The following STAG1 variants were observed in gnomAD, a reference collection of about 807,000 sequenced individuals.
The protein encoded by STAG1 is cohesin subunit SA-1.
In STAG1, 26 loss-of-function variants were observed where a neutral mutation model predicts 170.9. The ratio of observed to expected loss-of-function variants is 0.15; its 90% confidence interval spans 0.11 to 0.21. STAG1 has a LOEUF of 0.21. STAG1 is among the 10% of genes least tolerant of loss of function. The probability of loss-of-function intolerance (pLI) is 1.00; values close to 1 mark genes in which losing one functional copy is unlikely to be tolerated. For synonymous variants in STAG1, 514 were observed against 497.7 expected, an observed-to-expected ratio of 1.03 and a Z score of -0.44; for missense variants, 964 against 1,509.5, an observed-to-expected ratio of 0.64 and a Z score of 5.99.
At chr3:136,666,113 A>G (rs1384223831) in intron 1 of STAG1, among the ~76,000 whole-genome samples, 1 of 130,712 alleles carries the variant, frequency 7.7e-6, no homozygotes, top group Non-Finnish European at 1.6e-5. Flanking sequence ...AAAAAAAAAG[A>G]AAGAAATGCA....
At chr3:136,747,373 A>G (rs1217019485) in intron 1 of STAG1, among the ~76,000 whole-genome samples, 2 of 152,096 alleles carry the variant, frequency 1.3e-5, no homozygotes, top group Admixed American at 1.3e-4. Flanking sequence ...ACTTAAGAGG[A>G]GTGTGATCCA....
At chr3:136,702,123 CAG>C (rs1408345782) in intron 1 of STAG1, among the ~76,000 whole-genome samples, 17 of 55,672 alleles carry the variant, frequency 3.1e-4, no homozygotes, top group African/African-American at 9.1e-4. Flanking sequence ...GAGAGAGAGA[CAG>C]AGAGACAGAG....
chr3:136,717,447 T>C (rs1943571135), intron 1 of STAG1, among the ~76,000 whole-genome samples: 1 of 152,132 alleles, frequency 6.6e-6, no homozygotes. Flanking sequence ...GTGGATCACT[T>C]GAGACCAGGA....
intron 13 of STAG1, among the ~76,000 whole-genome samples, chr3:136,462,002 T>G (rs896144588): frequency 6.6e-6 from 1 of 152,090 alleles, no homozygotes; most frequent in African/African-American, 2.4e-5. Context: ...TGAGATATCA[T>G]CTTACCTCAT....
chr3:136,348,571 A>C (rs1038293111), intron 29 of STAG1, among the ~76,000 whole-genome samples: 4 of 151,880 alleles, frequency 2.6e-5, no homozygotes, highest in Admixed American at 2.6e-4. Context: ...ACCCATTTAA[A>C]ATTTTTTTTT....
chr3:136,605,556 C>T (rs1285481243), intron 3 of STAG1, among the ~76,000 whole-genome samples: 3 of 152,144 alleles, frequency 2.0e-5, no homozygotes, highest in African/African-American at 7.2e-5. Flanking sequence ...TATCTTTCCC[C>T]TCCCTGTATT....
intron 25 of STAG1, among the ~76,000 whole-genome samples, chr3:136,364,883 G>A (rs1465396947): frequency 2.6e-5 from 4 of 152,052 alleles, no homozygotes; most frequent in East Asian, 1.9e-4. Flanking sequence ...GCTAAAAGGC[G>A]AACAGCTCAA....
In STAG1 at chr3:136,712,017, T is replaced by G. The variant is rs531630343; in HGVS notation, c.-84+40178A>C. Among the ~76,000 whole-genome samples, 7 of 152,210 alleles carry G rather than the reference T, an allele frequency of 4.6e-5. No homozygotes were observed. The East Asian group carries it at 1.4e-3, about 29-fold the overall frequency. ...GACGTATGTACCTATTCAGATAACT[T>G]TTTTTGTTTGTTTGTTTTTGAGATG... On this transcript the variant is annotated intron_variant, in intron 1 of 33. Transcript: ENST00000383202.
intron 28 of STAG1, among the ~76,000 whole-genome samples, chr3:136,354,754 C>CAAAAA: frequency 6.1e-4 from 4 of 6,516 alleles, no homozygotes; most frequent in African/African-American, 1.4e-3. Context: ...GAGAAAGAAC[C>CAAAAA]AAAAAAAAAA....
At chr3:136,687,612 G>A (rs1216517571) in intron 1 of STAG1, among the ~76,000 whole-genome samples, 2 of 152,088 alleles carry the variant, frequency 1.3e-5, no homozygotes, top group Non-Finnish European at 2.9e-5. Flanking sequence ...TTTGGATCAT[G>A]GATAGATGAG....
Position 136,749,910 on chromosome 3 carries a change from A to T in STAG1, c.-84+2285T>A, listed in dbSNP as rs77497736. Among the ~76,000 whole-genome samples the T allele has an allele frequency of 6.0e-5, 7 of 117,524 alleles. No individual in the cohort carries two copies. In the South Asian group the frequency reaches 2.0e-3, roughly 34 times the overall value. 77.1% of individuals were successfully genotyped at this position (117,524 alleles called of 152,430 possible). On this transcript the variant is annotated intron_variant, in intron 1 of 33. Transcript: ENST00000383202. The stretch of plus-strand genomic sequence containing the variant: ...TTAAGTGTGAAATTTGTTATGCATT[A>T]AAAAAAAAAAGAAAGAAACTAATAT...
intron 21 of STAG1, among the ~76,000 whole-genome samples, chr3:136,416,283 G>C (rs2087770380): frequency 6.6e-6 from 1 of 152,210 alleles, no homozygotes; most frequent in Admixed American, 6.5e-5. Context: ...TGGGATTACA[G>C]GTGTGAGCCA....
At chr3:136,385,072 T>C (rs1223771238) in intron 22 of STAG1, among the ~76,000 whole-genome samples, 1 of 152,196 alleles carries the variant, frequency 6.6e-6, no homozygotes, top group Non-Finnish European at 1.5e-5. Context: ...AATGTCCTTA[T>C]ATTGATGCTT....
chr3:136,592,207 C>T (rs1218129622), intron 4 of STAG1, among the ~76,000 whole-genome samples: 1 of 152,128 alleles, frequency 6.6e-6, no homozygotes, highest in Admixed American at 6.5e-5. Context: ...ATGTCTCTAC[C>T]CAAATCTCAT....
At chr3:136,436,755 C>T (rs1024614608) in intron 15 of STAG1, among the ~76,000 whole-genome samples, 9 of 152,066 alleles carry the variant, frequency 5.9e-5, no homozygotes, top group Non-Finnish European at 1.2e-4. Flanking sequence ...TTATTTTAAA[C>T]TAAGTTGGAG....
intron 16 of STAG1, among the ~76,000 whole-genome samples, chr3:136,431,107 T>C (rs2088290828): frequency 6.6e-6 from 1 of 152,048 alleles, no homozygotes; most frequent in Admixed American, 6.5e-5. Flanking sequence ...TTTCGCCATG[T>C]TGGCCAGGCT....
chr3:136,526,043 G>A (rs1218316496), intron 6 of STAG1, among the ~76,000 whole-genome samples: 1 of 152,194 alleles, frequency 6.6e-6, no homozygotes, highest in East Asian at 1.9e-4. Context: ...GAATAAGTAT[G>A]ACGTGGTGCT....
chr3:136,516,695 T>C (rs1032734330), intron 7 of STAG1, among the ~76,000 whole-genome samples: 1 of 152,200 alleles, frequency 6.6e-6, no homozygotes, highest in Non-Finnish European at 1.5e-5. Flanking sequence ...AAGGGAAATA[T>C]TGGCAAATAC....
rs1422686450 is a variant in STAG1 at position 136,443,673 on chromosome 3, C to G, written c.1429-269G>C. ...TTATAGATGAGGAAACAGAGCATAG[C>G]TAGTTAGAAAATTTTCTGAAGTTAT... On this transcript the variant is annotated intron_variant, in intron 14 of 33. Coordinates refer to ENST00000383202, the MANE Select transcript of STAG1 (RefSeq NM_005862.3). 2.6e-5 allele frequency among the ~76,000 whole-genome samples: 4 copies of G among 152,120 alleles called. 1 individual carries two copies. The highest frequency in any genetic ancestry group is 5.9e-5 in the Non-Finnish European group (4 of 68,018).
Sources: allele counts gnomAD v4.1 joint callset (sites outside exome capture counted in the v4.1 genomes callset), GRCh38; gene constraint gnomAD v4.1.1; transcripts MANE v1.5; gene names NCBI Gene and HGNC (gene_info 2026-07-23, HGNC 2026-07-21).